Variants in IFT74 observed in about 807,000 individuals in gnomAD.
IFT74 encodes the protein intraflagellar transport protein 74 homolog.
A neutral mutation model predicts 96.7 loss-of-function variants in IFT74; 92 were observed. That is an observed-to-expected ratio of 0.95 (90% CI 0.80 to 1.13). The LOEUF (loss-of-function observed/expected upper bound fraction) is 1.13. IFT74 is among the 50% of genes most tolerant of loss of function. IFT74 has a pLI of 0.00. For synonymous variants in IFT74, 223 were observed against 213.2 expected, an observed-to-expected ratio of 1.05 and a Z score of -0.40; for missense variants, 811 against 698.2, an observed-to-expected ratio of 1.16 and a Z score of -1.82.
In IFT74 at chr9:27,064,317, T is replaced by C. The variant is rs1820543422; in HGVS notation, c.*1581T>C. On this transcript the variant is annotated 3_prime_UTR_variant, in exon 20 of 20. Transcript: ENST00000380062. ...ACCCTCAGCTGTTTTATGCTGTGAT[T>C]GTATGGGGTTTTCTATTGGAAATTG... Among the ~76,000 whole-genome samples, 1 of 152,102 alleles carries C rather than the reference T, an allele frequency of 6.6e-6. No individual in the cohort carries two copies. The highest frequency in any genetic ancestry group is 1.5e-5 in the Non-Finnish European group (1 of 67,974).
At chr9:26,963,620 G>A (rs1447102310) in intron 2 of IFT74, among the ~76,000 whole-genome samples, 2 of 149,844 alleles carry the variant, frequency 1.3e-5, no homozygotes, top group Middle Eastern at 3.4e-3. Flanking sequence ...TCCAGCACCT[G>A]TTGTTTCCTG....
chr9:26,947,336 C>G lies in IFT74; in HGVS notation c.-20+190C>G, dbSNP rs555182575. ...CGACGCCGATGCGGAGCTGAGCTGG[C>G]TTTCCTCCAGGGCTCTGGACTCCCT... On this transcript the variant is annotated intron_variant, in intron 1 of 19. Transcript: ENST00000433700. 6 of 426,048 alleles carry G rather than the reference C, an allele frequency of 1.4e-5. No individual in the cohort carries two copies. The South Asian group carries it at 2.2e-4, about 16-fold the overall frequency. The allele number at this position is 426,048 out of a possible 1,614,324, so 26.4% of individuals were successfully genotyped here.
chr9:26,993,805 G>A (rs1828001259), intron 8 of IFT74: 1 of 151,996 alleles, frequency 6.6e-6, no homozygotes, highest in Admixed American at 6.6e-5. Flanking sequence ...CATACCTCTA[G>A]CCACTGTTCC....
At chr9:26,996,553 C>T (rs1360654835) in intron 8 of IFT74, 1 of 1,175,560 alleles carries the variant, frequency 8.5e-7, no homozygotes, top group Non-Finnish European at 1.1e-6. Flanking sequence ...TAGTTAACAA[C>T]ATTTTATAAT....
chr9:27,036,696 CT>C, intron 13 of IFT74: 5 of 1,312,228 alleles, frequency 3.8e-6, no homozygotes, highest in Non-Finnish European at 9.7e-7. Context: ...AAAAAAAAGA[CT>C]CCTAAAAATC....
Position 26,978,262 on chromosome 9 carries a change from A to C in IFT74, c.255A>C (p.Lys85Asn), listed in dbSNP as rs769485039. ...TGACTGGAATGAAAACTGGGACGAA[A>C]GGTACCTATTTTAAGATAAGTATGA... ...QGLTGMKTGT[K>N]GPQRQILDKS... The change falls in exon 3 of 20, where the codon AAA (lysine) becomes AAC (asparagine). Residue 85 changes from lysine (K) to asparagine (N), a missense_variant and splice_region_variant. Lys to Asn is a moderately conservative substitution (Grantham distance 94). Coordinates refer to ENST00000380062, the MANE Select transcript of IFT74 (RefSeq NM_025103.4). The C allele has an allele frequency of 1.2e-5, 20 of 1,612,512 alleles. No individual in the cohort carries two copies. Among genetic ancestry groups the C allele is most frequent in the Non-Finnish European group, 1.7e-5 (20 of 1,179,690 alleles).
At chr9:26,965,189 A>G (rs754306167) in intron 2 of IFT74, among the ~76,000 whole-genome samples, 1 of 152,172 alleles carries the variant, frequency 6.6e-6, no homozygotes, top group Non-Finnish European at 1.5e-5. Flanking sequence ...GAAAACATAA[A>G]TTTATAAATA....
chr9:26,956,330 G>C (rs1395385699), upstream of IFT74: 2 of 152,268 alleles, frequency 1.3e-5, no homozygotes, highest in South Asian at 2.1e-4. Flanking sequence ...GTAACCAAGG[G>C]CTGAGGCGGA....
intron 18 of IFT74, among the ~76,000 whole-genome samples, chr9:27,057,107 G>A (rs193086967): frequency 1.2e-3 from 177 of 151,988 alleles, no homozygotes; most frequent in African/African-American, 3.5e-3. Context: ...CATGGATGTC[G>A]CATAATATAT....
At chr9:27,038,312 G>T (rs974464346) in intron 13 of IFT74, among the ~76,000 whole-genome samples, 1 of 152,110 alleles carries the variant, frequency 6.6e-6, no homozygotes, top group Non-Finnish European at 1.5e-5. Flanking sequence ...ACCCAGGCTG[G>T]AGTGCAATGG....
intron 8 of IFT74, among the ~76,000 whole-genome samples, chr9:27,003,890 A>G (rs558380812): frequency 2.0e-5 from 3 of 152,170 alleles, no homozygotes; most frequent in Non-Finnish European, 4.4e-5. Context: ...ACCTATGTTT[A>G]ATGATTTATA....
rs1158881426 is a variant in IFT74 at position 27,014,300 on chromosome 9, G to A, written c.789+2332G>A. 3.3e-5 allele frequency among the ~76,000 whole-genome samples: 5 copies of A among 152,266 alleles called. No homozygotes were observed. In the East Asian group the frequency reaches 9.7e-4, roughly 29 times the overall value. On this transcript the variant is annotated intron_variant, in intron 10 of 19. Coordinates refer to ENST00000380062, the MANE Select transcript of IFT74 (RefSeq NM_025103.4). ...TAATTTTTATTTCCTTGGATCTCTG[G>A]TGATGGAAATACGCTTAAAGAAAGA...
chr9:27,048,174 C>A lies in IFT74; in HGVS notation c.1233C>A (p.Ser411=). ...ATATAAATCGTATAGAACAGATATC[C>A]TCTATCACCAATCAAGAGCTAAAGA... ...SRNINRIEQI[S]SITNQELKMM... is the part of the protein sequence containing the mutation. Residue 411 remains serine (S), a synonymous_variant, in exon 16 of 20, where the codon TCC becomes TCA. Coordinates refer to ENST00000380062, the MANE Select transcript of IFT74 (RefSeq NM_025103.4). 1 of 1,598,420 alleles carries A rather than the reference C, an allele frequency of 6.3e-7. No homozygotes were observed. The highest frequency in any genetic ancestry group is 8.6e-7 in the Non-Finnish European group (1 of 1,168,526).
upstream of IFT74, among the ~76,000 whole-genome samples, chr9:26,953,137 C>A (rs189658177): frequency 6.6e-6 from 1 of 152,290 alleles, no homozygotes. Context: ...ATGGTAGCAT[C>A]ATTCCCCAGA....
At chr9:26,963,892 A>AC (rs1826484960) in intron 2 of IFT74, among the ~76,000 whole-genome samples, 1 of 152,118 alleles carries the variant, frequency 6.6e-6, no homozygotes, top group Non-Finnish European at 1.5e-5. Flanking sequence ...GGTTGCGAAA[A>AC]TGTTCTCCCA....
intron 2 of IFT74, among the ~76,000 whole-genome samples, chr9:26,966,527 A>AT (rs1282927204): frequency 6.7e-6 from 1 of 150,024 alleles, no homozygotes; most frequent in African/African-American, 2.5e-5. Flanking sequence ...GTATTATTAG[A>AT]TTTTTTTGCT....
At chr9:27,018,834 A>G (rs1563979229) in intron 12 of IFT74, 147 bp downstream of exon 12, 12 of 425,854 alleles carry the variant, frequency 2.8e-5, no homozygotes, top group Non-Finnish European at 8.6e-6. Context: ...GCATAGTATA[A>G]TTTTTTTATA....
intron 19 of IFT74, 40 bp downstream of exon 19, chr9:27,060,691 G>C: frequency 2.0e-6 from 3 of 1,478,296 alleles, no homozygotes; most frequent in Non-Finnish European, 1.9e-6. Context: ...GGGTGCGGTG[G>C]CTCATGCCTA....
chr9:27,012,091 T>C (rs777708007), intron 10 of IFT74, 123 bp downstream of exon 10: 49 of 554,380 alleles, frequency 8.8e-5, no homozygotes, highest in Non-Finnish European at 1.4e-4. Context: ...AGGAGTTTAA[T>C]ACTTTTTCTT....
Sources: allele counts gnomAD v4.1 joint callset (sites outside exome capture counted in the v4.1 genomes callset), GRCh38; gene constraint gnomAD v4.1.1; transcripts MANE v1.5; gene names NCBI Gene and HGNC (gene_info 2026-07-23, HGNC 2026-07-21).